The following MOBP variants were observed in gnomAD, a reference collection of about 807,000 sequenced individuals.
MOBP encodes myelin-associated oligodendrocyte basic protein.
Under a neutral mutation model 15.0 loss-of-function variants are expected in MOBP, and 5 were observed. That is an observed-to-expected ratio of 0.33 (90% CI 0.17 to 0.70). The LOEUF (loss-of-function observed/expected upper bound fraction) is 0.70, where lower values mean the gene tolerates loss of function less well. Among genes scored for constraint, MOBP ranks in the 30% least tolerant of loss-of-function variants. The pLI is 0.67. For synonymous variants in MOBP, 88 were observed against 99.0 expected, an observed-to-expected ratio of 0.89 and a Z score of 0.66; for missense variants, 188 against 257.8, an observed-to-expected ratio of 0.73 and a Z score of 1.85.
chr3:39,509,501 A>G (rs2043092476), intron 4 of MOBP, among the ~76,000 whole-genome samples: 2 of 152,192 alleles, frequency 1.3e-5, no homozygotes, highest in South Asian at 4.1e-4. Flanking sequence ...AAGATAATCC[A>G]CTAAAGACAC....
exon 5 of MOBP, chr3:39,515,788 A>G (rs1246082796): frequency 6.6e-6 from 1 of 152,210 alleles, no homozygotes; most frequent in Non-Finnish European, 1.5e-5. Flanking sequence ...TGCTGTTTCC[A>G]TAGTTACTCT....
chr3:39,496,694 G>A (rs1455742099), intron 2 of MOBP, among the ~76,000 whole-genome samples: 5 of 146,914 alleles, frequency 3.4e-5, no homozygotes, highest in African/African-American at 1.3e-4. Context: ...ACGGAGTTTC[G>A]CTCTTGTTGC....
chr3:39,487,345 C>G lies in MOBP; in HGVS notation c.-5+7222C>G, dbSNP rs201966629. 2.0e-5 allele frequency among the ~76,000 whole-genome samples: 3 copies of G among 152,014 alleles called. No individual in the cohort carries two copies. In the East Asian group the frequency reaches 5.8e-4, roughly 29 times the overall value. ...GCCCCCTACCAATTTATAATAACAT[C>G]CCTATCATATATCAAGTTCTCTTGT... On this transcript the variant is annotated intron_variant, in intron 2 of 3. Coordinates refer to ENST00000684792, the MANE Select transcript of MOBP (RefSeq NM_001393704.1).
At chr3:39,486,849 T>C (rs1020653808) in intron 2 of MOBP, among the ~76,000 whole-genome samples, 2 of 152,196 alleles carry the variant, frequency 1.3e-5, no homozygotes, top group African/African-American at 4.8e-5. Flanking sequence ...TAGGAATTAT[T>C]TGTATATTAT....
intron 2 of MOBP, among the ~76,000 whole-genome samples, chr3:39,484,161 T>G (rs986631187): frequency 6.6e-6 from 1 of 152,232 alleles, no homozygotes; most frequent in Non-Finnish European, 1.5e-5. Context: ...CAAATCCTGA[T>G]GAGGTAAGAC....
At chr3:39,496,931 G>T (rs759500977) in intron 2 of MOBP, among the ~76,000 whole-genome samples, 1 of 152,144 alleles carries the variant, frequency 6.6e-6, no homozygotes, top group Non-Finnish European at 1.5e-5. Flanking sequence ...CCAAAGTGTT[G>T]GGATTACAGG....
chr3:39,468,795 T>TATATATACATATATACATGTGTGTATAC lies in MOBP; in HGVS notation c.-89+1067_-89+1068insATACATGTGTGTATACATATATACATAT, dbSNP rs1553616115. Among the ~76,000 whole-genome samples, 69 of 104,552 alleles carry TATATATACATATATACATGTGTGTATAC rather than the reference T, an allele frequency of 6.6e-4. 15 individuals carry two copies. The highest frequency in any genetic ancestry group is 2.6e-3 in the Admixed American group (29 of 11,262). 68.6% of individuals were successfully genotyped at this position (104,552 alleles called of 152,430 possible). ...ATATATACATATATACATGTGTGTG[T>TATATATACATATATACATGTGTGTATAC]ATATATACATATGTGTGTGTATACA... On this transcript the variant is annotated intron_variant, in intron 1 of 3. Coordinates refer to ENST00000684792, the MANE Select transcript of MOBP (RefSeq NM_001393704.1).
At chr3:39,511,263 C>T (rs2043115569) in intron 4 of MOBP, among the ~76,000 whole-genome samples, 1 of 152,208 alleles carries the variant, frequency 6.6e-6, no homozygotes, top group Admixed American at 6.5e-5. Flanking sequence ...TCTTGAAGAA[C>T]AGTCATGTGG....
intron 4 of MOBP, among the ~76,000 whole-genome samples, chr3:39,511,921 C>T (rs943173293): frequency 2.0e-5 from 3 of 152,168 alleles, no homozygotes; most frequent in African/African-American, 7.2e-5. Context: ...AGCTCTGCTG[C>T]CTGTGGATTT....
intron 2 of MOBP, among the ~76,000 whole-genome samples, chr3:39,492,061 G>T (rs2042803453): frequency 6.6e-6 from 1 of 152,174 alleles, no homozygotes; most frequent in Non-Finnish European, 1.5e-5. Context: ...CTAAGCCAAT[G>T]GCCCAGAATA....
chr3:39,520,558 ATG>A (rs900444106), downstream of MOBP, among the ~76,000 whole-genome samples: 1 of 112,410 alleles, frequency 8.9e-6, no homozygotes. Flanking sequence ...GTGTGTGTGT[ATG>A]TGTGTGTGTG....
chr3:39,511,225 A>T (rs1349171134), intron 4 of MOBP, among the ~76,000 whole-genome samples: 1 of 152,180 alleles, frequency 6.6e-6, no homozygotes. Flanking sequence ...ACATTTGGGG[A>T]CAATCTCAGT....
chr3:39,494,779 A>G (rs2042850945), intron 2 of MOBP, among the ~76,000 whole-genome samples: 1 of 92,408 alleles, frequency 1.1e-5, no homozygotes, highest in South Asian at 3.9e-4. Flanking sequence ...TCATATTTTC[A>G]AAGCCCCCCC....
chr3:39,503,063 A>T (rs1445495458), downstream of MOBP: 1 of 527,364 alleles, frequency 1.9e-6, no homozygotes, highest in African/African-American at 2.0e-5. Context: ...CCTAGGTGCT[A>T]TTGGTGCATA....
At chr3:39,474,389 GATATT>G (rs2042513725) in intron 1 of MOBP, among the ~76,000 whole-genome samples, 1 of 152,202 alleles carries the variant, frequency 6.6e-6, no homozygotes, top group African/African-American at 2.4e-5. Context: ...TGAGAAATGA[GATATT>G]AGACGATTTA....
intron 2 of MOBP, among the ~76,000 whole-genome samples, chr3:39,481,679 CTCTG>C (rs2042630008): frequency 6.6e-6 from 1 of 152,166 alleles, no homozygotes; most frequent in African/African-American, 2.4e-5. Context: ...CCTATAGTTT[CTCTG>C]TCTATCTTTA....
At chr3:39,513,065 A>G (rs2043140751) in intron 4 of MOBP, among the ~76,000 whole-genome samples, 1 of 152,138 alleles carries the variant, frequency 6.6e-6, no homozygotes. Flanking sequence ...TTTTTCCAGG[A>G]GTGGGTGTAC....
chr3:39,507,532 T>C (rs560036936), downstream of MOBP, among the ~76,000 whole-genome samples: 1 of 152,128 alleles, frequency 6.6e-6, no homozygotes, highest in Non-Finnish European at 1.5e-5. Context: ...GAGAGACCCA[T>C]TAATAGGCAT....
intron 2 of MOBP, among the ~76,000 whole-genome samples, chr3:39,484,641 G>A (rs865891284): frequency 1.3e-5 from 2 of 152,172 alleles, no homozygotes; most frequent in Non-Finnish European, 2.9e-5. Flanking sequence ...ACAAGAAACT[G>A]AAGGGTATCA....
Sources: allele counts gnomAD v4.1 joint callset (sites outside exome capture counted in the v4.1 genomes callset), GRCh38; gene constraint gnomAD v4.1.1; transcripts MANE v1.5; gene names NCBI Gene and HGNC (gene_info 2026-07-23, HGNC 2026-07-21).